SIK3: variants seen among roughly 807,000 people sequenced by gnomAD.
SIK3 encodes serine/threonine-protein kinase SIK3.
SIK3 carries 28 observed loss-of-function variants against 144.2 expected under a neutral mutation model. That is an observed-to-expected ratio of 0.19 (90% CI 0.14 to 0.27). The LOEUF is 0.27. Ranked by LOEUF, SIK3 falls within the 10% of genes least tolerant of loss-of-function variation. The pLI is 1.00. For synonymous variants in SIK3, 686 were observed against 676.3 expected (o/e 1.01, Z -0.22); for missense variants, 1,319 against 1,776.0 (o/e 0.74, Z 4.62).
At chr11:117,016,784 C>T (rs1448205536) in intron 1 of SIK3, among the ~76,000 whole-genome samples, 1 of 152,128 alleles carries the variant, frequency 6.6e-6, no homozygotes, top group South Asian at 2.1e-4. Flanking sequence ...ATTTTGTTAA[C>T]TGTACGTCAA....
rs147395684 is a variant in SIK3, at chr11:117,088,563, A to G, written c.273+9580T>C. On this transcript the variant is annotated intron_variant, in intron 1 of 24. Coordinates refer to ENST00000445177, the MANE Select transcript of SIK3 (RefSeq NM_001366686.3). ...AATATCTGCAGACATTGCACGAAAC[A>G]TAAGGAATACAGCAGTGAATAACAG... Among the ~76,000 whole-genome samples, 3 of 152,276 alleles carry G rather than the reference A, an allele frequency of 2.0e-5. No homozygotes were observed. In the East Asian group the frequency reaches 5.8e-4, roughly 29 times the overall value.
chr11:117,043,345 A>T (rs1952824583), intron 1 of SIK3, among the ~76,000 whole-genome samples: 1 of 152,198 alleles, frequency 6.6e-6, no homozygotes, highest in Admixed American at 6.6e-5. Context: ...TCTAAACAAA[A>T]ACTCATTACC....
intron 22 of SIK3, 94 bp from the exon 23 acceptor site, chr11:116,847,702 A>C (rs1284510563): frequency 6.5e-7 from 1 of 1,548,398 alleles, no homozygotes; most frequent in Non-Finnish European, 8.8e-7. Flanking sequence ...GAGCCCAGGC[A>C]AAAGACAGCC....
In SIK3 at chr11:117,049,875, C is replaced by T. The variant is rs945482452; in HGVS notation, c.273+48268G>A. On this transcript the variant is annotated intron_variant, in intron 1 of 24. Transcript: ENST00000445177. The stretch of plus-strand genomic sequence containing the variant: ...GAGCTAGGATCCTCCTCCTGAGGAT[C>T]ACTTGAGCCCAGAGTTCAAGTTTAT... Among the ~76,000 whole-genome samples, 8 of 152,048 alleles carry T rather than the reference C, an allele frequency of 5.3e-5. 1 individual carries two copies. Among genetic ancestry groups the T allele is most frequent in the Admixed American group, 2.6e-4 (4 of 15,274 alleles).
intron 1 of SIK3, among the ~76,000 whole-genome samples, chr11:116,957,333 ATACTT>A (rs536902633): frequency 6.6e-6 from 1 of 152,296 alleles, no homozygotes; most frequent in Non-Finnish European, 1.5e-5. Flanking sequence ...CTATGAAAAA[ATACTT>A]TATTACTCCA....
rs1941839242 is a variant in SIK3, at chr11:116,845,013, C to G, written c.*630G>C. On this transcript the variant is annotated 3_prime_UTR_variant, in exon 25 of 25. Coordinates refer to ENST00000445177, the MANE Select transcript of SIK3 (RefSeq NM_001366686.3). ...CCGTGGATCCCAGCAGTAAAGACCT[C>G]TCTGCGTTCCAGGCTTGGGGGTTTC... The G allele has an allele frequency of 6.6e-6, 1 of 152,128 alleles. No individual in the cohort carries two copies. The highest frequency in any genetic ancestry group is 1.5e-5 in the Non-Finnish European group (1 of 68,032). 9.4% of individuals were successfully genotyped at this position (152,128 alleles called of 1,614,324 possible).
chr11:117,059,870 T>C (rs1318391702), intron 1 of SIK3, among the ~76,000 whole-genome samples: 3 of 152,186 alleles, frequency 2.0e-5, no homozygotes, highest in East Asian at 1.9e-4. Flanking sequence ...GGTAAGGATA[T>C]AGAACAACAG....
In SIK3 at chr11:116,859,685, C is replaced by CA. The variant is rs977430688; in HGVS notation, c.2426-82dup. 64 of 1,185,676 alleles carry CA rather than the reference C, an allele frequency of 5.4e-5. No homozygotes were observed. In the African/African-American group the frequency reaches 7.5e-4, roughly 14 times the overall value. The allele number at this position is 1,185,676 out of a possible 1,614,324, so 73.4% of individuals were successfully genotyped here. ...AGTAATGAGAGCTAATGAGAATACT[C>CA]AGACGACATACCAGCTAGAACAGTG... On this transcript the variant is annotated intron_variant, in intron 19 of 24. Coordinates refer to ENST00000445177, the MANE Select transcript of SIK3 (RefSeq NM_001366686.3).
intron 13 of SIK3, among the ~76,000 whole-genome samples, chr11:116,870,631 T>C (rs1195666030): frequency 6.6e-6 from 1 of 152,240 alleles, no homozygotes; most frequent in African/African-American, 2.4e-5. Context: ...CATTCATTTA[T>C]TAATCTAACA....
rs545777626 is a variant in SIK3, at chr11:116,896,658, GCTT to G, written c.742-285_742-283del. 2.6e-5 allele frequency among the ~76,000 whole-genome samples: 4 copies of G among 152,296 alleles called. No homozygotes were observed. In the East Asian group the frequency reaches 7.7e-4, roughly 29 times the overall value. On this transcript the variant is annotated intron_variant, in intron 5 of 24. Coordinates refer to ENST00000445177, the MANE Select transcript of SIK3 (RefSeq NM_001366686.3). ...GGCCCCCATCCAAGCTGGCCCTTGG[GCTT>G]CTTTTGCAAATGCAAAGGGGAAATT...
chr11:117,023,593 CAAACAAACAAACAAACA>C (rs1405369076), intron 1 of SIK3, among the ~76,000 whole-genome samples: 3,139 of 50,060 alleles, frequency 0.063, 60 homozygotes, highest in Middle Eastern at 0.15. Context: ...AACAAACAAA[CAAACAAACAAACAAACA>C]AAAAAAAAAA....
Position 116,847,697 on chromosome 11 carries a change from C to T in SIK3, c.3820-89G>A, listed in dbSNP as rs1942089720. 15 of 1,572,332 alleles carry T rather than the reference C, an allele frequency of 9.5e-6. No homozygotes were observed. The Admixed American group carries it at 2.5e-4, about 27-fold the overall frequency. On this transcript the variant is annotated intron_variant, in intron 22 of 24. Coordinates refer to ENST00000445177, the MANE Select transcript of SIK3 (RefSeq NM_001366686.3). The stretch of plus-strand genomic sequence containing the variant: ...GACAGCTGGTCCTTCTGAAGGAGCC[C>T]AGGCAAAAGACAGCCCGGGGCCCCA...
At chr11:116,889,558 C>A (rs1944994800) in intron 6 of SIK3, among the ~76,000 whole-genome samples, 1 of 152,054 alleles carries the variant, frequency 6.6e-6, no homozygotes, top group African/African-American at 2.4e-5. Context: ...CAGAGCAAGA[C>A]CCTGTCGCCA....
At chr11:117,032,681 T>TA (rs916308718) in intron 1 of SIK3, among the ~76,000 whole-genome samples, 2 of 151,622 alleles carry the variant, frequency 1.3e-5, no homozygotes, top group African/African-American at 2.4e-5. Context: ...TTTCTTTTTT[T>TA]TTTTTTTTTA....
chr11:116,954,284 T>C (rs568684190), intron 2 of SIK3, among the ~76,000 whole-genome samples, 177 bp from the exon 3 acceptor site: 4 of 152,290 alleles, frequency 2.6e-5, no homozygotes, highest in South Asian at 4.1e-4. Flanking sequence ...AAGGGAAAAT[T>C]AGATATTCCT....
intron 1 of SIK3, among the ~76,000 whole-genome samples, chr11:117,079,525 G>C (rs1954693013): frequency 6.6e-6 from 1 of 152,150 alleles, no homozygotes; most frequent in Non-Finnish European, 1.5e-5. Flanking sequence ...GAGACTTACA[G>C]TCAAGTAGGA....
At chr11:116,989,211 G>T (rs542214924) in intron 1 of SIK3, among the ~76,000 whole-genome samples, 4 of 151,182 alleles carry the variant, frequency 2.6e-5, no homozygotes, top group South Asian at 2.1e-4. Context: ...TTTTTTCCCC[G>T]CATGTTCGAA....
intron 1 of SIK3, among the ~76,000 whole-genome samples, chr11:116,981,774 A>G (rs890453265): frequency 2.0e-5 from 3 of 152,180 alleles, no homozygotes; most frequent in African/African-American, 7.2e-5. Flanking sequence ...GCACTTTGGG[A>G]GGCCGGGGCA....
intron 1 of SIK3, 21 bp downstream of exon 1, chr11:117,098,095 TCCCGGCCCCGCCACGCTCCGACTGCCG>T (rs1358151607): frequency 2.9e-6 from 4 of 1,366,090 alleles, no homozygotes; most frequent in Non-Finnish European, 3.8e-6. Flanking sequence ...CGCGGACCTC[TCCCGGCCCCGCCACGCTCCGACTGCCG>T]CCTGGCCCCT....
Sources: gnomAD v4.1 joint callset for allele counts (sites outside exome capture counted in the v4.1 genomes callset) on GRCh38, gnomAD v4.1.1 for gene constraint, MANE v1.5 for transcripts, NCBI Gene and HGNC (gene_info 2026-07-23, HGNC 2026-07-21) for gene names.